APOL3: variants seen among roughly 807,000 people sequenced by gnomAD.
APOL3 encodes the protein TNF-inducible protein CG12-1.
Under a neutral mutation model 11.6 loss-of-function variants are expected in APOL3, and 14 were observed. The ratio of observed to expected loss-of-function variants is 1.21; its 90% CI spans 0.80 to 1.89. The LOEUF (loss-of-function observed/expected upper bound fraction) is 1.89, where lower values mean the gene tolerates loss of function less well. APOL3 is among the 40% of genes most tolerant of loss of function. The pLI is 0.00. For synonymous variants in APOL3, 192 were observed against 190.6 expected (o/e 1.01, Z -0.06); for missense variants, 483 against 492.1 (o/e 0.98, Z 0.17).
exon 3 of APOL3, chr22:36,141,590 G>C: frequency 6.2e-7 from 1 of 1,614,224 alleles, no homozygotes; most frequent in Non-Finnish European, 8.5e-7. Context: ...AGTTGGGTGT[G>C]ATGTCACGCA....
intron 1 of APOL3, chr22:36,146,165 TG>T (rs1255986034): frequency 6.6e-6 from 1 of 152,022 alleles, no homozygotes; most frequent in Non-Finnish European, 1.5e-5. Context: ...TCCAGAACTG[TG>T]AGAAAATACA....
chr22:36,149,721 T>G, intron 1 of APOL3: 1 of 392,962 alleles, frequency 2.5e-6, no homozygotes, highest in Non-Finnish European at 5.1e-6. Context: ...ATGTCTTCCA[T>G]GACTGGGCTC....
At chr22:36,158,690 G>A (rs1016250799) in intron 1 of APOL3, among the ~76,000 whole-genome samples, 1 of 152,058 alleles carries the variant, frequency 6.6e-6, no homozygotes, top group African/African-American at 2.4e-5. Flanking sequence ...GTGGTGGCAC[G>A]CCTCTGTAGT....
chr22:36,153,691 C>A (rs757235520), intron 1 of APOL3, among the ~76,000 whole-genome samples: 8 of 152,196 alleles, frequency 5.3e-5, no homozygotes, highest in Non-Finnish European at 1.2e-4. Flanking sequence ...TCAGTCCCAA[C>A]CGCTGTGAAC....
chr22:36,144,959 C>T (rs562895056), intron 2 of APOL3, among the ~76,000 whole-genome samples: 19 of 140,346 alleles, frequency 1.4e-4, no homozygotes, highest in African/African-American at 3.9e-4. Context: ...TGCGGTGGGC[C>T]GAGATCATGC....
rs564752728 is a variant in APOL3 at position 36,149,258 on chromosome 22, C to T, written c.224-3659G>A. The T allele has an allele frequency of 6.9e-5, 90 of 1,305,578 alleles. 1 individual carries two copies. In the Admixed American group the frequency reaches 2.0e-3, roughly 29 times the overall value. The allele number at this position is 1,305,578 out of a possible 1,614,324, so 80.9% of individuals were successfully genotyped here. ...GCGTGTCAGCAAATGCCAAGACCAA[C>T]CTAGCCCGGTGTTTTTTAATCTCCT... On this transcript the variant is annotated intron_variant, in intron 1 of 2. Coordinates refer to ENST00000349314, the Ensembl canonical transcript of APOL3.
chr22:36,151,384 A>T (rs2060427130), intron 1 of APOL3, among the ~76,000 whole-genome samples: 1 of 152,244 alleles, frequency 6.6e-6, no homozygotes, highest in South Asian at 2.1e-4. Context: ...AATAATTTTT[A>T]AAAACTCAAA....
exon 1 of APOL3, chr22:36,160,724 G>A: frequency 6.2e-7 from 1 of 1,613,926 alleles, no homozygotes; most frequent in Non-Finnish European, 8.5e-7. Flanking sequence ...TGAGCTGTGT[G>A]GATCCCACCT....
Position 36,149,005 on chromosome 22 carries a change from C to A in APOL3, c.224-3406G>T, listed in dbSNP as rs370992398. ...GAAACGCCACCCTCCATTCTAGGTG[C>A]GAGTAGGAACCAGCCAGGGAAGAGG... On this transcript the variant is annotated intron_variant, in intron 1 of 2. Transcript: ENST00000349314. 1.9e-4 allele frequency: 266 copies of A among 1,365,562 alleles called. 1 individual carries two copies. The African/African-American group carries it at 3.6e-3, about 18-fold the overall frequency. The allele number at this position is 1,365,562 out of a possible 1,614,324, so 84.6% of individuals were successfully genotyped here.
intron 1 of APOL3, chr22:36,154,777 A>T: frequency 6.2e-6 from 2 of 323,404 alleles, no homozygotes; most frequent in Non-Finnish European, 1.3e-5. Flanking sequence ...AATACCAAAC[A>T]CTCCCTCTCC....
intron 1 of APOL3, chr22:36,154,513 G>A (rs1453989961): frequency 4.6e-6 from 2 of 435,634 alleles, no homozygotes; most frequent in Admixed American, 5.6e-5. Context: ...TAATATAAAT[G>A]GATATTTTTC....
Position 36,145,457 on chromosome 22 carries a change from A to T in APOL3, c.350+16T>A. On this transcript the variant is annotated intron_variant, in intron 2 of 2. Coordinates refer to ENST00000349314, the Ensembl canonical transcript of APOL3. ...ATAGCCGGGGCGCCCCATGGAGGTA[A>T]CCCCACGGAGGTTACCTGGGCAATT... The T allele has an allele frequency of 6.2e-7, 1 of 1,613,242 alleles. No homozygotes were observed. Among genetic ancestry groups the T allele is most frequent in the Non-Finnish European group, 8.5e-7 (1 of 1,179,628 alleles).
chr22:36,161,712 G>T (rs182676750), upstream of APOL3, among the ~76,000 whole-genome samples: 103 of 152,278 alleles, frequency 6.8e-4, 2 homozygotes, highest in South Asian at 9.3e-3. Context: ...TGAACAAAGT[G>T]GGGGGCGGAT....
At chr22:36,159,972 C>T (rs535134661) in intron 1 of APOL3, among the ~76,000 whole-genome samples, 180 of 152,016 alleles carry the variant, frequency 1.2e-3, no homozygotes, top group Non-Finnish European at 2.4e-3. Flanking sequence ...ACCTTCATCA[C>T]CTGGGTTCAA....
chr22:36,164,278 T>A (rs1391165889), upstream of APOL3, among the ~76,000 whole-genome samples: 1 of 152,194 alleles, frequency 6.6e-6, no homozygotes, highest in East Asian at 1.9e-4. Context: ...CTGAGTGGAA[T>A]CAATCAGAAA....
At chr22:36,163,383 C>T (rs1166153892), upstream of APOL3, among the ~76,000 whole-genome samples, 2 of 152,224 alleles carry the variant, frequency 1.3e-5, no homozygotes. Flanking sequence ...CTCCCCAAAT[C>T]GTCCTCGCCC....
exon 2 of APOL3, chr22:36,145,589 G>A (rs1230730499): frequency 6.2e-7 from 1 of 1,613,614 alleles, no homozygotes; most frequent in African/African-American, 1.3e-5. Flanking sequence ...CTTCAGTAAA[G>A]CGTTTCTTTT....
chr22:36,151,628 A>T (rs189604141), intron 1 of APOL3, among the ~76,000 whole-genome samples: 76 of 152,362 alleles, frequency 5.0e-4, no homozygotes, highest in African/African-American at 1.8e-3. Context: ...TAGATATAGA[A>T]TAAGAAAGTT....
intron 1 of APOL3, 125 bp from the exon 3 acceptor site, chr22:36,145,724 G>T: frequency 1.7e-6 from 2 of 1,201,578 alleles, no homozygotes; most frequent in Middle Eastern, 2.9e-4. Context: ...TTTGATGGAG[G>T]CATCAGTGCT....
Sources: allele counts gnomAD v4.1 joint callset (sites outside exome capture counted in the v4.1 genomes callset), GRCh38; gene constraint gnomAD v4.1.1; transcripts MANE v1.5; gene names NCBI Gene and HGNC (gene_info 2026-07-23, HGNC 2026-07-21).